Variants in KDM3B observed in about 807,000 individuals in gnomAD.
The protein encoded by KDM3B is lysine demethylase 3B.
Under a neutral mutation model 170.0 loss-of-function variants are expected in KDM3B, and 10 were observed. The ratio of observed to expected loss-of-function variants is 0.06; its 90% CI spans 0.04 to 0.10. The LOEUF is 0.10. Ranked by LOEUF, KDM3B falls within the 10% of genes least tolerant of loss-of-function variation. The pLI is 1.00. For synonymous variants in KDM3B, 831 were observed against 834.8 expected (o/e 1.00, Z 0.08); for missense variants, 1,394 against 2,195.2 (o/e 0.64, Z 7.29).
At chr5:138,419,718 TACAC>T (rs1441720786) in intron 14 of KDM3B, among the ~76,000 whole-genome samples, 3 of 63,688 alleles carry the variant, frequency 4.7e-5, no homozygotes, top group Non-Finnish European at 8.5e-5. Context: ...CACATATATA[TACAC>T]ACACATACAC....
chr5:138,394,571 A>G (rs961148095), intron 9 of KDM3B, among the ~76,000 whole-genome samples: 1 of 152,208 alleles, frequency 6.6e-6, no homozygotes, highest in African/African-American at 2.4e-5. Context: ...GACAGGTGCA[A>G]GCATCCCAAA....
chr5:138,360,100 C>G (rs533557092), intron 1 of KDM3B, among the ~76,000 whole-genome samples: 1 of 152,060 alleles, frequency 6.6e-6, no homozygotes, highest in Non-Finnish European at 1.5e-5. Flanking sequence ...TAATTATAGT[C>G]AGGTTCAGGA....
Position 138,419,111 on chromosome 5 carries a change from A to G in KDM3B, c.3594A>G (p.Ala1198=), listed in dbSNP as rs775720225. 1 of 1,614,250 alleles carries G rather than the reference A, an allele frequency of 6.2e-7. No homozygotes were observed. Among genetic ancestry groups the G allele is most frequent in the Non-Finnish European group, 8.5e-7 (1 of 1,180,046 alleles). Residue 1198 remains alanine (A), a synonymous_variant, in exon 14 of 24, where the codon GCA becomes GCG. Coordinates refer to ENST00000314358, the MANE Select transcript of KDM3B (RefSeq NM_016604.4). Reference sequence around the variant, plus strand: ...AGCCTCTGAAAACAGACAGTTCGGCATCAAATAGCAATAGTGAACTGAAAG... The same window carrying G: ...AGCCTCTGAAAACAGACAGTTCGGCGTCAAATAGCAATAGTGAACTGAAAG... ...SEEPLKTDSS[A]SNSNSELKAI...
intron 8 of KDM3B, among the ~76,000 whole-genome samples, 185 bp downstream of exon 8, chr5:138,392,446 C>T (rs185716485): frequency 1.4e-4 from 21 of 152,326 alleles, no homozygotes; most frequent in Middle Eastern, 6.8e-3. Context: ...GCATCTAAAC[C>T]GGCACTGTAG....
rs777912581 is a variant in KDM3B, at chr5:138,386,500, C to G, written c.1259C>G (p.Ser420Cys). The G allele has an allele frequency of 3.7e-6, 6 of 1,613,880 alleles. No homozygotes were observed. The East Asian group carries it at 1.3e-4, about 36-fold the overall frequency. Reference sequence around the variant, plus strand: ...CAAGTTGGCCAGGGCATAGTGGCTTCCGCAGCTGTGGTCACTACCGCCAGC... The same window carrying G: ...CAAGTTGGCCAGGGCATAGTGGCTTGCGCAGCTGTGGTCACTACCGCCAGC... ...LEQVGQGIVASAAVVTTASST... is the reference protein window; with the variant it reads ...LEQVGQGIVACAAVVTTASST... Residue 420 changes from serine (S) to cysteine (C), a missense_variant, in exon 7 of 24, where the codon TCC becomes TGC. Physicochemically the swap from Ser to Cys is moderately radical, Grantham distance 112 (BLOSUM62 -1). Around this residue, in one of 19 missense-constraint regions of KDM3B, gnomAD observed 205 missense variants for 227.6 expected, o/e 0.90. Transcript: ENST00000314358.
chr5:138,401,964 T>C (rs1395192351), intron 11 of KDM3B, among the ~76,000 whole-genome samples: 1 of 152,090 alleles, frequency 6.6e-6, no homozygotes, highest in African/African-American at 2.4e-5. Context: ...GGTCTCGCTT[T>C]GTCACTCAGG....
intron 9 of KDM3B, among the ~76,000 whole-genome samples, chr5:138,395,548 A>C (rs1189322098): frequency 6.6e-6 from 1 of 152,196 alleles, no homozygotes; most frequent in South Asian, 2.1e-4. Context: ...GGATCACTTG[A>C]GGCCAGCAGT....
At chr5:138,427,348 T>C in intron 19 of KDM3B, 29 bp downstream of exon 19, 1 of 1,593,606 alleles carries the variant, frequency 6.3e-7, no homozygotes, top group Non-Finnish European at 8.6e-7. Flanking sequence ...AATTGCTCTT[T>C]TGGGGGACTG....
chr5:138,375,354 T>TTTTTA (rs368616385), intron 3 of KDM3B, 148 bp downstream of exon 3: 23 of 355,734 alleles, frequency 6.5e-5, no homozygotes, highest in African/African-American at 1.9e-4. Context: ...TGCTGTGCCT[T>TTTTTA]TTTTATTTTA....
At chr5:138,411,993 T>A (rs13156951) in intron 11 of KDM3B, among the ~76,000 whole-genome samples, 148,721 of 150,682 alleles carry the variant, frequency 0.99, 73,434 homozygotes, top group Middle Eastern at 1. Flanking sequence ...TACAGGCACA[T>A]GCCATTGTGT....
At chr5:138,370,035 A>G (rs1041991821) in intron 1 of KDM3B, among the ~76,000 whole-genome samples, 3 of 152,248 alleles carry the variant, frequency 2.0e-5, no homozygotes, top group Non-Finnish European at 4.4e-5. Context: ...CGGAGTCTGC[A>G]CTTAAATGTA....
At chr5:138,363,000 G>C (rs957930947) in intron 1 of KDM3B, among the ~76,000 whole-genome samples, 2 of 151,418 alleles carry the variant, frequency 1.3e-5, no homozygotes, top group Non-Finnish European at 1.5e-5. Flanking sequence ...TGGGTTCTGG[G>C]TATTTACTTT....
At chr5:138,392,455 A>G (rs906372172) in intron 8 of KDM3B, among the ~76,000 whole-genome samples, 194 bp downstream of exon 8, 7 of 152,234 alleles carry the variant, frequency 4.6e-5, no homozygotes, top group African/African-American at 1.7e-4. Context: ...CCGGCACTGT[A>G]GGAGGAGTAT....
At chr5:138,435,571 C>T (rs73259869) in intron 23 of KDM3B, 49 bp from the exon 24 acceptor site, 35 of 1,455,306 alleles carry the variant, frequency 2.4e-5, no homozygotes, top group African/African-American at 2.2e-4. Flanking sequence ...GTAGAACGTA[C>T]ATTTGCATGG....
intron 11 of KDM3B, among the ~76,000 whole-genome samples, chr5:138,406,981 ATTTTTTT>A (rs745918786): frequency 3.4e-5 from 4 of 119,046 alleles, no homozygotes; most frequent in Non-Finnish European, 5.1e-5. Flanking sequence ...TATGCCAATA[ATTTTTTT>A]TTTTTTTTTT....
At chr5:138,399,763 T>G in intron 10 of KDM3B, 97 bp from the exon 11 acceptor site, 1 of 1,097,214 alleles carries the variant, frequency 9.1e-7, no homozygotes, top group Non-Finnish European at 1.3e-6. Context: ...TGAGTTTTAT[T>G]GCTGAACAAA....
chr5:138,396,331 G>T (rs564740285), intron 9 of KDM3B, among the ~76,000 whole-genome samples: 1 of 152,020 alleles, frequency 6.6e-6, no homozygotes, highest in Non-Finnish European at 1.5e-5. Flanking sequence ...TCCTGACCTC[G>T]TGATCCGCCC....
intron 1 of KDM3B, among the ~76,000 whole-genome samples, chr5:138,359,593 C>A (rs1474076261): frequency 6.6e-6 from 1 of 151,896 alleles, no homozygotes; most frequent in Admixed American, 6.6e-5. Flanking sequence ...AGGCATGAGC[C>A]ACTGCACTTG....
rs781348211 is a variant in KDM3B at position 138,392,184 on chromosome 5, G to A, written c.2552G>A (p.Arg851His). 9.1e-6 allele frequency: 14 copies of A among 1,532,440 alleles called. No individual in the cohort carries two copies. The highest frequency in any genetic ancestry group is 1.8e-4 in the Middle Eastern group (1 of 5,578). The allele number at this position is 1,532,440 out of a possible 1,614,324, so 94.9% of individuals were successfully genotyped here. A position where few individuals can be genotyped will look rare whatever the true frequency, so the allele number is the denominator to read the frequency against. Residue 851 changes from arginine to histidine, a missense_variant, in exon 8 of 24, where the codon CGC becomes CAC. Arg to His is a conservative substitution (Grantham distance 29). Transcript: ENST00000314358. ...GGGAAGCTGGGCCCCAATGGGGAGC[G>A]CAGTGCTGAGCTGTTGCTGGGCAAA... ...LMGKLGPNGERSAELLLGKSK... is the reference protein window; with the variant it reads ...LMGKLGPNGEHSAELLLGKSK...
Sources: allele counts gnomAD v4.1 joint callset (sites outside exome capture counted in the v4.1 genomes callset), GRCh38; gene constraint gnomAD v4.1.1; regional missense constraint gnomAD v4.1.1; transcripts MANE v1.5; gene names NCBI Gene and HGNC (gene_info 2026-07-23, HGNC 2026-07-21).